Variants in LINGO2 observed in about 807,000 individuals in gnomAD.
The protein encoded by LINGO2 is leucine rich repeat and Ig domain containing 2, also known as leucine-rich repeat and immunoglobulin-like domain-containing nogo receptor-interacting protein 2.
In LINGO2, 14 loss-of-function variants were observed where a neutral mutation model predicts 30.6. That is an observed-to-expected ratio of 0.46 (90% CI 0.30 to 0.72). The LOEUF (loss-of-function observed/expected upper bound fraction) is 0.72, where lower values mean the gene tolerates loss of function less well. LINGO2 is among the 30% of genes least tolerant of loss of function. The probability of loss-of-function intolerance (pLI) is 0.07; values close to 1 mark genes in which losing one functional copy is unlikely to be tolerated. For missense variants in LINGO2, 729 were observed against 751.7 expected, an observed-to-expected ratio of 0.97 and a Z score of 0.35; for synonymous variants, 317 against 288.5, an observed-to-expected ratio of 1.10 and a Z score of -1.00.
At chr9:28,251,614 T>C (rs1467929981) in intron 4 of LINGO2, among the ~76,000 whole-genome samples, 1 of 152,200 alleles carries the variant, frequency 6.6e-6, no homozygotes, top group Non-Finnish European at 1.5e-5. Flanking sequence ...GGGCATCACA[T>C]TCTGATTTAG....
the LINGO2 span, among the ~76,000 whole-genome samples, chr9:28,954,776 G>C: frequency 6.6e-6 from 1 of 152,186 alleles, no homozygotes. Context: ...TGAAGTGTTA[G>C]AGTGTTTCTA....
At chr9:28,517,783 C>A (rs778447912) in intron 1 of LINGO2, among the ~76,000 whole-genome samples, 2 of 152,164 alleles carry the variant, frequency 1.3e-5, no homozygotes, top group East Asian at 1.9e-4. Flanking sequence ...TTTCACACTG[C>A]GGAAATGTTT....
chr9:28,064,340 G>T (rs1825245437), intron 4 of LINGO2, among the ~76,000 whole-genome samples: 1 of 152,130 alleles, frequency 6.6e-6, no homozygotes. Context: ...GTAAAACAGG[G>T]CTGCTTATAG....
At chr9:28,992,019 T>C in the LINGO2 span, among the ~76,000 whole-genome samples, 70 of 152,192 alleles carry the variant, frequency 4.6e-4, no homozygotes, top group African/African-American at 1.6e-3. Flanking sequence ...ATAACAATAT[T>C]AACTTTAAAT....
rs1822016510 is a variant in LINGO2, at chr9:28,002,581, T to C, written c.-36+9774A>G. ...CCACATAATTTTGCATTCTTGTTGATTGTTGCCCTCTGTAAGAATTTGTGT... is the reference window on the plus strand; with the variant it reads ...CCACATAATTTTGCATTCTTGTTGACTGTTGCCCTCTGTAAGAATTTGTGT... On this transcript the variant is annotated intron_variant, in intron 5 of 5. Transcript: ENST00000379992. Among the ~76,000 whole-genome samples, 8 of 152,216 alleles carry C rather than the reference T, an allele frequency of 5.3e-5. No individual in the cohort carries two copies. The South Asian group carries it at 1.5e-3, about 28-fold the overall frequency.
the LINGO2 span, among the ~76,000 whole-genome samples, chr9:28,869,745 C>G: frequency 2.0e-5 from 3 of 151,840 alleles, no homozygotes; most frequent in African/African-American, 7.3e-5. Flanking sequence ...GGTCAAAAAT[C>G]AATAGGTGAT....
intron 2 of LINGO2, among the ~76,000 whole-genome samples, chr9:28,416,539 G>A (rs952461823): frequency 6.6e-6 from 1 of 152,272 alleles, no homozygotes; most frequent in Non-Finnish European, 1.5e-5. Flanking sequence ...TTTTTAGAGA[G>A]AGATAGGGAA....
At chr9:28,768,356 ACTT>A in the LINGO2 span, among the ~76,000 whole-genome samples, 1 of 152,062 alleles carries the variant, frequency 6.6e-6, no homozygotes, top group Non-Finnish European at 1.5e-5. Flanking sequence ...AGCAGTAGGA[ACTT>A]CTTCAAGTTG....
chr9:28,451,556 G>T (rs1824648921), intron 2 of LINGO2, among the ~76,000 whole-genome samples: 2 of 151,618 alleles, frequency 1.3e-5, no homozygotes, highest in African/African-American at 4.8e-5. Flanking sequence ...GCCACAAATT[G>T]GGTTAGTATG....
At chr9:28,682,233 A>G in the LINGO2 span, among the ~76,000 whole-genome samples, 4 of 152,196 alleles carry the variant, frequency 2.6e-5, no homozygotes, top group Non-Finnish European at 5.9e-5. Context: ...ACACTGGAGC[A>G]TTACTGAAGC....
chr9:28,655,571 C>G (rs577301832), intron 1 of LINGO2, among the ~76,000 whole-genome samples: 1 of 151,946 alleles, frequency 6.6e-6, no homozygotes, highest in African/African-American at 2.4e-5. Context: ...TGTATCCTCA[C>G]CCAAATCTCA....
the LINGO2 span, among the ~76,000 whole-genome samples, chr9:28,759,056 T>C: frequency 1.3e-5 from 2 of 152,086 alleles, no homozygotes; most frequent in African/African-American, 4.8e-5. Context: ...AAGGTGCTGT[T>C]TTAGAAGGAA....
At chr9:29,117,538 A>G in the LINGO2 span, among the ~76,000 whole-genome samples, 1 of 152,128 alleles carries the variant, frequency 6.6e-6, no homozygotes, top group African/African-American at 2.4e-5. Flanking sequence ...AGTCAAAGAG[A>G]TTGGACTTTA....
intron 2 of LINGO2, among the ~76,000 whole-genome samples, chr9:28,387,511 C>G (rs781637044): frequency 3.9e-5 from 6 of 152,182 alleles, no homozygotes; most frequent in African/African-American, 1.4e-4. Flanking sequence ...TTGTAGAAGC[C>G]TTTTTCTTTT....
intron 4 of LINGO2, among the ~76,000 whole-genome samples, chr9:28,128,555 A>G (rs1236425518): frequency 6.6e-6 from 1 of 152,208 alleles, no homozygotes; most frequent in African/African-American, 2.4e-5. Flanking sequence ...AAATATTTCT[A>G]AAGTCTCAGC....
At chr9:28,278,693 A>C (rs924364023) in intron 4 of LINGO2, among the ~76,000 whole-genome samples, 2 of 152,240 alleles carry the variant, frequency 1.3e-5, no homozygotes, top group Admixed American at 6.5e-5. Flanking sequence ...GGCAAGTCAA[A>C]TAGTCATCCA....
At chr9:28,793,489 G>A in the LINGO2 span, among the ~76,000 whole-genome samples, 3 of 152,122 alleles carry the variant, frequency 2.0e-5, no homozygotes, top group Non-Finnish European at 4.4e-5. Flanking sequence ...TCCCTGATCA[G>A]TGCAACTCCT....
rs117047781 is a variant in LINGO2, at chr9:27,961,481, G to A, written c.-35-10775C>T. 3.2e-4 allele frequency among the ~76,000 whole-genome samples: 48 copies of A among 152,278 alleles called. No homozygotes were observed. The East Asian group carries it at 6.0e-3, about 19-fold the overall frequency. On this transcript the variant is annotated intron_variant, in intron 5 of 5. Transcript: ENST00000379992. ...GAAACACTCTGCAATTGGGGACACA[G>A]TAGTTCAGAATGGTTGGAACAAAAA...
chr9:28,804,322 G>T, the LINGO2 span, among the ~76,000 whole-genome samples: 11 of 152,102 alleles, frequency 7.2e-5, no homozygotes, highest in Non-Finnish European at 1.6e-4. Context: ...AGGAACATTT[G>T]CAAGACACAC....
Sources: gnomAD v4.1 joint callset for allele counts (sites outside exome capture counted in the v4.1 genomes callset) on GRCh38, gnomAD v4.1.1 for gene constraint, MANE v1.5 for transcripts, NCBI Gene and HGNC (gene_info 2026-07-23, HGNC 2026-07-21) for gene names.